The following LRRFIP1 variants were observed in gnomAD, a reference collection of about 807,000 sequenced individuals.
The protein encoded by LRRFIP1 is LRR binding FLII interacting protein 1, also known as leucine-rich repeat flightless-interacting protein 1.
A neutral mutation model predicts 104.4 loss-of-function variants in LRRFIP1; 62 were observed. That is an observed-to-expected ratio of 0.59 (90% confidence interval 0.48 to 0.73). The LOEUF is 0.73. Ranked by LOEUF, LRRFIP1 falls within the 30% of genes least tolerant of loss-of-function variation. LRRFIP1 has a pLI of 0.00. For synonymous variants in LRRFIP1, 300 were observed against 299.0 expected, an observed-to-expected ratio of 1.00 and a Z score of -0.03; for missense variants, 796 against 824.5, an observed-to-expected ratio of 0.97 and a Z score of 0.42.
At position 237,649,461 on chromosome 2, in the gene LRRFIP1, G is replaced by A. The variant is rs1194122332; in HGVS notation, c.96+21721G>A. ...CGGGAGAATTGCTTGAGCCCAGGAC[G>A]TGGAGGCTGCAGTGAGCCAAGATTG... On this transcript the variant is annotated intron_variant, in intron 1 of 23. Transcript: ENST00000308482. This position sits in a 1 kb window ranked among gnomAD's most constrained non-coding sequence, Gnocchi z 4.1. Among the ~76,000 whole-genome samples, 4 of 152,002 alleles carry A rather than the reference G, an allele frequency of 2.6e-5. No individual in the cohort carries two copies. Among genetic ancestry groups the A allele is most frequent in the Admixed American group, 6.5e-5 (1 of 15,286 alleles).
chr2:237,765,251 GAAACTCTGTCTAAAAA>G (rs1456177486), intron 19 of LRRFIP1: 2 of 153,458 alleles, frequency 1.3e-5, no homozygotes, highest in African/African-American at 5.2e-5. Flanking sequence ...CAACAAGAGC[GAAACTCTGTCTAAAAA>G]AAAAAAAAAA....
Position 237,753,293 on chromosome 2 carries a change from G to A in LRRFIP1, c.868-16G>A, listed in dbSNP as rs549310680. On this transcript the variant is annotated splice_polypyrimidine_tract_variant and intron_variant, in intron 14 of 23. Coordinates refer to ENST00000308482, the MANE Select transcript of LRRFIP1 (RefSeq NM_001137550.2). ...TTTTTTATTGCAATTTCAAAAATAT[G>A]ACCTGCTTTCCACAGGACTCTCTAG... is the stretch of plus-strand genomic sequence containing the variant. 16 of 1,550,562 alleles carry A rather than the reference G, an allele frequency of 1.0e-5. No individual in the cohort carries two copies. The highest frequency in any genetic ancestry group is 2.4e-5 in the Admixed American group (1 of 41,092).
intron 16 of LRRFIP1, 55 bp downstream of exon 16, chr2:237,756,242 C>A: frequency 7.7e-7 from 1 of 1,298,896 alleles, no homozygotes; most frequent in Non-Finnish European, 1.1e-6. Flanking sequence ...AGCATTTTGT[C>A]AGGCCATGAC....
Position 237,717,735 on chromosome 2 carries a change from C to T in LRRFIP1, c.202-27C>T, listed in dbSNP as rs1478755698. The stretch of plus-strand genomic sequence containing the variant: ...CTTTTTAAGAAATTTCACTTCTTGC[C>T]TAATTTTCTTTCCCTTCTGTCTATA... On this transcript the variant is annotated intron_variant, in intron 3 of 23. Coordinates refer to ENST00000308482, the MANE Select transcript of LRRFIP1 (RefSeq NM_001137550.2). The surrounding 1 kb of genome is among the most constrained non-coding windows in gnomAD (Gnocchi z 4.2). The T allele has an allele frequency of 1.3e-6, 2 of 1,579,830 alleles. No homozygotes were observed. Among genetic ancestry groups the T allele is most frequent in the East Asian group, 2.2e-5 (1 of 44,756 alleles).
rs754537832 is a variant in LRRFIP1, at chr2:237,727,857, CTT to C, written c.385-16_385-15del. On this transcript the variant is annotated splice_polypyrimidine_tract_variant and intron_variant, in intron 7 of 23. Transcript: ENST00000308482. ...TTTGTGTACTGATGTCAGTTTTTCT[CTT>C]TTCTTCATTGAAACAGACAAATGGT... is the stretch of plus-strand genomic sequence containing the variant. 1.6e-5 allele frequency: 25 copies of C among 1,594,574 alleles called. No individual in the cohort carries two copies.
At chr2:237,677,371 T>G (rs1163134476) in intron 1 of LRRFIP1, among the ~76,000 whole-genome samples, 3 of 152,220 alleles carry the variant, frequency 2.0e-5, no homozygotes, top group African/African-American at 7.2e-5. Flanking sequence ...AGCATTTCCT[T>G]CCTTTTTAAT....
chr2:237,712,798 C>A (rs745697310), intron 2 of LRRFIP1, among the ~76,000 whole-genome samples: 30 of 152,130 alleles, frequency 2.0e-4, no homozygotes, highest in Non-Finnish European at 2.9e-4. Context: ...ACACCTCCCT[C>A]ACGCTCTTCT....
rs958561668 is a variant in LRRFIP1 at position 237,733,916 on chromosome 2, C to T, written c.489+98C>T. On this transcript the variant is annotated intron_variant, in intron 9 of 23. Coordinates refer to ENST00000308482, the MANE Select transcript of LRRFIP1 (RefSeq NM_001137550.2). The stretch of plus-strand genomic sequence containing the variant: ...GCCGGGGATGTGCCTGTTCCCAGCC[C>T]CCTGGGGGAAGTTGCACCTTCACGT... 20 of 1,317,060 alleles carry T rather than the reference C, an allele frequency of 1.5e-5. No individual in the cohort carries two copies. The Admixed American group carries it at 3.5e-4, about 23-fold the overall frequency. 81.6% of individuals were successfully genotyped at this position (1,317,060 alleles called of 1,614,324 possible).
chr2:237,701,734 G>A (rs1244487470), intron 1 of LRRFIP1, among the ~76,000 whole-genome samples: 5 of 152,196 alleles, frequency 3.3e-5, no homozygotes, highest in African/African-American at 4.8e-5. Flanking sequence ...GGTAGAAGCC[G>A]TTTCTGCTGT....
intron 19 of LRRFIP1, chr2:237,763,044 G>C: frequency 6.2e-7 from 1 of 1,614,156 alleles, no homozygotes; most frequent in Non-Finnish European, 8.5e-7. Context: ...TGTCCTTTAG[G>C]GCATAGTGAT....
intron 1 of LRRFIP1, among the ~76,000 whole-genome samples, chr2:237,704,280 G>A (rs1197965044): frequency 6.6e-6 from 1 of 151,608 alleles, no homozygotes; most frequent in Non-Finnish European, 1.5e-5. Flanking sequence ...AGCCTCCCGA[G>A]TAGCTGGGAT....
At chr2:237,772,677 A>G (rs2060754881) in intron 21 of LRRFIP1, 189 bp from the exon 22 acceptor site, 1 of 598,244 alleles carries the variant, frequency 1.7e-6, no homozygotes, top group Non-Finnish European at 3.0e-6. Context: ...GGCGGAAGGC[A>G]CTTTCCCTGG....
chr2:237,681,805 A>G (rs2091869164), intron 1 of LRRFIP1, among the ~76,000 whole-genome samples: 2 of 139,900 alleles, frequency 1.4e-5, no homozygotes, highest in African/African-American at 2.7e-5. Context: ...TCAGCCTCCC[A>G]AGTAGCTGGG....
In LRRFIP1 at chr2:237,635,587, T is replaced by C. The variant is rs577921717; in HGVS notation, c.96+7847T>C. On this transcript the variant is annotated intron_variant, in intron 1 of 23. Transcript: ENST00000308482. ...CTGTAATTCCAGCAACTCAGGAGGC[T>C]AAGGTGAAAGAATAGCTTAGGACCA... Among the ~76,000 whole-genome samples, 10 of 152,290 alleles carry C rather than the reference T, an allele frequency of 6.6e-5. No individual in the cohort carries two copies. In the South Asian group the frequency reaches 2.1e-3, roughly 32 times the overall value.
At chr2:237,699,228 C>T (rs1436694937) in intron 1 of LRRFIP1, among the ~76,000 whole-genome samples, 1 of 151,936 alleles carries the variant, frequency 6.6e-6, no homozygotes, top group Non-Finnish European at 1.5e-5. Flanking sequence ...ATTTCCATGT[C>T]GATTGCATTC....
At chr2:237,699,906 C>T (rs965172395) in intron 1 of LRRFIP1, among the ~76,000 whole-genome samples, 3 of 152,200 alleles carry the variant, frequency 2.0e-5, no homozygotes, top group Non-Finnish European at 4.4e-5. Flanking sequence ...CAGTCATGGC[C>T]GTAGGGAAGG....
At chr2:237,647,485 G>C (rs72991767) in intron 1 of LRRFIP1, among the ~76,000 whole-genome samples, 4,632 of 152,170 alleles carry the variant, frequency 0.03, 144 homozygotes, top group Middle Eastern at 0.051. Flanking sequence ...AGGGCTAGGA[G>C]AGTAGAGGGT....
chr2:237,694,680 T>C (rs1267751669), intron 1 of LRRFIP1, among the ~76,000 whole-genome samples: 1 of 152,100 alleles, frequency 6.6e-6, no homozygotes, highest in Non-Finnish European at 1.5e-5. Context: ...AGGAAGTAGA[T>C]TTGGCAAGCT....
intron 11 of LRRFIP1, among the ~76,000 whole-genome samples, chr2:237,746,224 A>G (rs1021362341): frequency 6.6e-6 from 1 of 151,856 alleles, no homozygotes; most frequent in African/African-American, 2.4e-5. Context: ...ACACACAGCT[A>G]ATTTTTGTAA....
Sources: gnomAD v4.1 joint callset for allele counts (sites outside exome capture counted in the v4.1 genomes callset) on GRCh38, gnomAD v4.1.1 for gene constraint, Gnocchi (gnomAD v3.1) non-coding constraint, MANE v1.5 for transcripts, NCBI Gene and HGNC (gene_info 2026-07-23, HGNC 2026-07-21) for gene names.